FKBP9: variants seen among roughly 807,000 people sequenced by gnomAD.
The protein encoded by FKBP9 is peptidyl-prolyl cis-trans isomerase FKBP9.
FKBP9 carries 27 observed loss-of-function variants against 55.6 expected under a neutral mutation model. The observed-to-expected ratio is 0.49, with a 90% CI of 0.36 to 0.67. The LOEUF (loss-of-function observed/expected upper bound fraction) is 0.67, where lower values mean the gene tolerates loss of function less well. Ranked by LOEUF, FKBP9 falls within the 30% of genes least tolerant of loss-of-function variation. The pLI is 0.00. For synonymous variants in FKBP9, 267 were observed against 296.5 expected, an observed-to-expected ratio of 0.90 and a Z score of 1.02; for missense variants, 539 against 742.8, an observed-to-expected ratio of 0.73 and a Z score of 3.19.
intron 3 of FKBP9, 73 bp downstream of exon 3, chr7:32,975,444 T>A: frequency 7.9e-7 from 1 of 1,259,252 alleles, no homozygotes; most frequent in Non-Finnish European, 1.1e-6. Flanking sequence ...CTTACTTGCT[T>A]TTTATGCTGA....
intron 6 of FKBP9, chr7:32,993,011 C>T (rs115514478): frequency 0.014 from 3,178 of 232,040 alleles, 60 homozygotes; most frequent in African/African-American, 0.042. Context: ...ATTCTTGTGC[C>T]TGGAATCCTC....
intron 8 of FKBP9, among the ~76,000 whole-genome samples, chr7:33,001,546 ATTG>A (rs907604148): frequency 5.4e-5 from 8 of 148,632 alleles, no homozygotes; most frequent in African/African-American, 2.0e-4. Context: ...AAAAAAAAAA[ATTG>A]TTGTATATTC....
chr7:32,978,345 T>TC (rs1414699813), intron 4 of FKBP9, among the ~76,000 whole-genome samples: 3 of 151,402 alleles, frequency 2.0e-5, no homozygotes, highest in South Asian at 4.2e-4. Flanking sequence ...GTCTTAATTC[T>TC]CCCCCCCACT....
intron 8 of FKBP9, among the ~76,000 whole-genome samples, chr7:33,002,462 C>A (rs1784951954): frequency 6.6e-6 from 1 of 152,166 alleles, no homozygotes; most frequent in African/African-American, 2.4e-5. Flanking sequence ...TAAAAAATAA[C>A]TAAACGCTGG....
intron 5 of FKBP9, among the ~76,000 whole-genome samples, chr7:32,985,652 A>G (rs1001439479): frequency 6.6e-6 from 1 of 152,106 alleles, no homozygotes; most frequent in African/African-American, 2.4e-5. Flanking sequence ...TTACTGAGCA[A>G]TTTTGATTGG....
intron 1 of FKBP9, among the ~76,000 whole-genome samples, chr7:32,972,587 C>A (rs1222875499): frequency 1.3e-5 from 2 of 152,242 alleles, no homozygotes; most frequent in East Asian, 3.9e-4. Flanking sequence ...AAAGAGAAAA[C>A]AAATTCAGTC....
chr7:33,001,597 AATAC>A (rs1784936716), intron 8 of FKBP9, among the ~76,000 whole-genome samples: 1 of 151,776 alleles, frequency 6.6e-6, no homozygotes, highest in Non-Finnish European at 1.5e-5. Context: ...TAATAATTAT[AATAC>A]ATAGCATATT....
At chr7:32,962,671 G>A (rs1363787621) in intron 1 of FKBP9, among the ~76,000 whole-genome samples, 3 of 151,634 alleles carry the variant, frequency 2.0e-5, no homozygotes, top group Admixed American at 6.6e-5. Context: ...ATGGGGTTTC[G>A]CCACCTTGGC....
At chr7:32,959,666 C>T (rs566146545) in intron 1 of FKBP9, among the ~76,000 whole-genome samples, 1 of 152,268 alleles carries the variant, frequency 6.6e-6, no homozygotes, top group South Asian at 2.1e-4. Flanking sequence ...CTTTATGTCT[C>T]TATGGATTTG....
At chr7:32,981,585 A>C (rs1425181557) in intron 5 of FKBP9, among the ~76,000 whole-genome samples, 1 of 152,148 alleles carries the variant, frequency 6.6e-6, no homozygotes. Context: ...GTAGTCATCC[A>C]AAACCATTAC....
chr7:33,002,941 C>T, intron 9 of FKBP9, 102 bp downstream of exon 9: 2 of 1,209,840 alleles, frequency 1.7e-6, no homozygotes, highest in East Asian at 2.5e-5. Context: ...AGGGTGAGGC[C>T]AGCTGGCTGG....
intron 6 of FKBP9, among the ~76,000 whole-genome samples, chr7:32,990,084 G>A (rs1223494793): frequency 1.3e-5 from 2 of 151,604 alleles, no homozygotes; most frequent in East Asian, 1.9e-4. Context: ...CTCCCACCTT[G>A]GCCTTCTGAA....
chr7:32,981,675 A>G (rs1479899882), intron 5 of FKBP9, among the ~76,000 whole-genome samples: 1 of 152,094 alleles, frequency 6.6e-6, no homozygotes, highest in African/African-American at 2.4e-5. Flanking sequence ...TGTCATTTAA[A>G]TTTTTTGGAA....
chr7:32,981,700 C>T (rs189928668), intron 5 of FKBP9, among the ~76,000 whole-genome samples: 2 of 152,134 alleles, frequency 1.3e-5, no homozygotes, highest in African/African-American at 4.8e-5. Flanking sequence ...GTAATAGTTA[C>T]ATAGCTCAAA....
At chr7:32,993,123 T>C (rs966237205) in intron 6 of FKBP9, 1 of 232,416 alleles carries the variant, frequency 4.3e-6, no homozygotes, top group African/African-American at 2.2e-5. Context: ...GCCCTGCACC[T>C]GAATGCATCT....
intron 1 of FKBP9, among the ~76,000 whole-genome samples, chr7:32,965,884 T>G (rs112015629): frequency 0.18 from 19,505 of 109,172 alleles, 2,476 homozygotes; most frequent in Middle Eastern, 0.27. Flanking sequence ...TATATATATA[T>G]AGAGAGAGAG....
In FKBP9 at chr7:32,973,776, C is replaced by T. The variant is rs542379736; in HGVS notation, c.222-841C>T. On this transcript the variant is annotated intron_variant, in intron 1 of 9. Coordinates refer to ENST00000242209, the MANE Select transcript of FKBP9 (RefSeq NM_007270.5). ...CGCTATCTTGGCTCACTGCAACCTC[C>T]GCCTCCCGAGTTCAAGTGATTCTCC... Among the ~76,000 whole-genome samples, 24 of 46,628 alleles carry T rather than the reference C, an allele frequency of 5.1e-4. 2 individuals carry two copies. The highest frequency in any genetic ancestry group is 2.7e-3 in the Admixed American group (17 of 6,220). 30.6% of individuals were successfully genotyped at this position (46,628 alleles called of 152,430 possible). A position where few individuals can be genotyped will look rare whatever the true frequency, so the allele number is the denominator to read the frequency against.
chr7:32,966,671 G>T (rs539580071), intron 1 of FKBP9, among the ~76,000 whole-genome samples: 20 of 152,248 alleles, frequency 1.3e-4, no homozygotes, highest in African/African-American at 4.6e-4. Context: ...AAGAAAAGAG[G>T]TTTAATTGGC....
chr7:32,998,909 C>A (rs1353624817), intron 7 of FKBP9, among the ~76,000 whole-genome samples: 1 of 152,180 alleles, frequency 6.6e-6, no homozygotes, highest in Non-Finnish European at 1.5e-5. Flanking sequence ...TCAGAGATGA[C>A]ACATGACAAC....
Sources: allele counts gnomAD v4.1 joint callset (sites outside exome capture counted in the v4.1 genomes callset), GRCh38; gene constraint gnomAD v4.1.1; transcripts MANE v1.5; gene names NCBI Gene and HGNC (gene_info 2026-07-23, HGNC 2026-07-21).